NCAM2: variants seen among roughly 807,000 people sequenced by gnomAD.
NCAM2 encodes the protein neural cell adhesion molecule 2, also known as N-CAM-2.
A neutral mutation model predicts 98.1 loss-of-function variants in NCAM2; 30 were observed. That is an observed-to-expected ratio of 0.31 (90% CI 0.23 to 0.41). The LOEUF (loss-of-function observed/expected upper bound fraction) is 0.41. Among genes scored for constraint, NCAM2 ranks in the 10% least tolerant of loss-of-function variants. The pLI, the probability that NCAM2 is intolerant of heterozygous loss-of-function variation, is 1.00. For synonymous variants in NCAM2, 368 were observed against 342.4 expected (o/e 1.07, Z -0.83); for missense variants, 867 against 1,005.8 (o/e 0.86, Z 1.87).
chr21:21,333,161 G>A (rs1227304709), intron 6 of NCAM2, among the ~76,000 whole-genome samples: 1 of 152,082 alleles, frequency 6.6e-6, no homozygotes. Context: ...GACTTTATTG[G>A]GAGGGAGTAA....
chr21:21,034,267 A>G (rs2064754019), intron 1 of NCAM2, among the ~76,000 whole-genome samples: 2 of 152,248 alleles, frequency 1.3e-5, no homozygotes, highest in African/African-American at 2.4e-5. Flanking sequence ...ACCATATTTC[A>G]CAAGAGATTT....
intron 14 of NCAM2, among the ~76,000 whole-genome samples, chr21:21,474,350 G>T (rs903440687): frequency 6.6e-6 from 1 of 151,962 alleles, no homozygotes; most frequent in African/African-American, 2.4e-5. Flanking sequence ...CATATTAAGG[G>T]CTTCAACAAA....
At chr21:21,010,025 A>G (rs1175746241) in intron 1 of NCAM2, among the ~76,000 whole-genome samples, 2 of 151,820 alleles carry the variant, frequency 1.3e-5, no homozygotes, top group African/African-American at 4.8e-5. Flanking sequence ...TTTATCACCT[A>G]TTTATCTGTG....
At chr21:21,121,660 A>T (rs550274939) in intron 1 of NCAM2, among the ~76,000 whole-genome samples, 1 of 152,334 alleles carries the variant, frequency 6.6e-6, no homozygotes, top group African/African-American at 2.4e-5. Flanking sequence ...AGAAGGATTC[A>T]CTCTAGCCAG....
chr21:21,192,230 A>G (rs2068846305), intron 1 of NCAM2, among the ~76,000 whole-genome samples: 1 of 151,972 alleles, frequency 6.6e-6, no homozygotes, highest in South Asian at 2.1e-4. Context: ...TCAAAAAACA[A>G]AAAAACAAAA....
chr21:21,441,191 C>T (rs923554876), intron 12 of NCAM2, among the ~76,000 whole-genome samples: 1 of 152,116 alleles, frequency 6.6e-6, no homozygotes, highest in Non-Finnish European at 1.5e-5. Context: ...GAAACCCATA[C>T]ATGTTTCATG....
intron 1 of NCAM2, among the ~76,000 whole-genome samples, chr21:21,158,605 G>A (rs905361433): frequency 8.8e-4 from 41 of 46,718 alleles, no homozygotes; most frequent in African/African-American, 2.8e-3. Flanking sequence ...CACCGTCCCC[G>A]CCCCCGCAAA....
chr21:21,483,621 A>T (rs1986090550), intron 15 of NCAM2, among the ~76,000 whole-genome samples: 1 of 152,094 alleles, frequency 6.6e-6, no homozygotes, highest in Admixed American at 6.5e-5. Flanking sequence ...TTTAGAACAT[A>T]AGTTTAAAAA....
At chr21:21,140,148 T>G (rs2067136772) in intron 1 of NCAM2, among the ~76,000 whole-genome samples, 1 of 152,238 alleles carries the variant, frequency 6.6e-6, no homozygotes, top group East Asian at 1.9e-4. Flanking sequence ...GATCCATTTT[T>G]AAGTCATTAC....
At chr21:21,522,858 C>T (rs2125866) in intron 16 of NCAM2, among the ~76,000 whole-genome samples, 38,089 of 151,772 alleles carry the variant, frequency 0.25, 5,191 homozygotes, top group Admixed American at 0.33. Context: ...TCTGAAACTC[C>T]TGACCTCCAA....
At chr21:21,127,584 C>T (rs1366523371) in intron 1 of NCAM2, among the ~76,000 whole-genome samples, 1 of 151,944 alleles carries the variant, frequency 6.6e-6, no homozygotes, top group East Asian at 1.9e-4. Flanking sequence ...TATTTTTATA[C>T]TCATTAACCA....
At chr21:21,444,557 T>A (rs1410521186) in intron 12 of NCAM2, among the ~76,000 whole-genome samples, 2 of 152,128 alleles carry the variant, frequency 1.3e-5, no homozygotes, top group Non-Finnish European at 2.9e-5. Context: ...CCTGGTTTGG[T>A]CATGGGAGGG....
At chr21:21,160,879 G>A (rs2067761998) in intron 1 of NCAM2, among the ~76,000 whole-genome samples, 2 of 151,860 alleles carry the variant, frequency 1.3e-5, no homozygotes, top group Admixed American at 6.6e-5. Context: ...TTAATTGTTT[G>A]TTCTTGACTA....
At chr21:21,344,114 G>C (rs2075122419) in intron 8 of NCAM2, among the ~76,000 whole-genome samples, 1 of 152,116 alleles carries the variant, frequency 6.6e-6, no homozygotes, top group South Asian at 2.1e-4. Flanking sequence ...CTCCCAAACG[G>C]TGTTTCTATA....
chr21:21,377,700 A>T (rs897605373), intron 9 of NCAM2, among the ~76,000 whole-genome samples: 46 of 152,010 alleles, frequency 3.0e-4, no homozygotes, highest in Admixed American at 2.3e-3. Context: ...ATGGTGAGAC[A>T]TTTAAAATTT....
intron 1 of NCAM2, among the ~76,000 whole-genome samples, chr21:21,108,049 TAA>T (rs2066385343): frequency 6.6e-6 from 1 of 152,060 alleles, no homozygotes; most frequent in Non-Finnish European, 1.5e-5. Flanking sequence ...TCCTCTAAAG[TAA>T]AAGCAGCTGC....
intron 10 of NCAM2, among the ~76,000 whole-genome samples, chr21:21,415,536 C>T (rs760617085): frequency 6.6e-6 from 1 of 151,782 alleles, no homozygotes; most frequent in African/African-American, 2.4e-5. Context: ...AGGGTTTCAC[C>T]GTGTTAGCCA....
chr21:21,094,826 A>T (rs541695040), intron 1 of NCAM2, among the ~76,000 whole-genome samples: 1 of 151,802 alleles, frequency 6.6e-6, no homozygotes, highest in South Asian at 2.1e-4. Flanking sequence ...GATTTAAGAA[A>T]ATTTGAATTA....
intron 16 of NCAM2, among the ~76,000 whole-genome samples, chr21:21,530,471 C>T (rs1989628436): frequency 6.7e-6 from 1 of 150,364 alleles, no homozygotes; most frequent in Non-Finnish European, 1.5e-5. Context: ...CTGCCTCATA[C>T]ATAAGCATTA....
Sources: gnomAD v4.1 joint callset for allele counts (sites outside exome capture counted in the v4.1 genomes callset) on GRCh38, gnomAD v4.1.1 for gene constraint, MANE v1.5 for transcripts, NCBI Gene and HGNC (gene_info 2026-07-23, HGNC 2026-07-21) for gene names.